The following EIF5A2 variants were observed in gnomAD, a reference collection of about 807,000 sequenced individuals.
EIF5A2 encodes eukaryotic translation initiation factor 5A2.
EIF5A2 carries 15 observed loss-of-function variants against 16.4 expected under a neutral mutation model. The ratio of observed to expected loss-of-function variants is 0.92; its 90% CI spans 0.61 to 1.41. EIF5A2 has a LOEUF of 1.41. EIF5A2 is among the 40% of genes most tolerant of loss of function. The probability of loss-of-function intolerance (pLI) is 0.00; values close to 1 mark genes in which losing one functional copy is unlikely to be tolerated. For synonymous variants in EIF5A2, 48 were observed against 61.1 expected (o/e 0.79, Z 1.00); for missense variants, 144 against 189.5 (o/e 0.76, Z 1.41).
Position 170,907,012 on chromosome 3 carries a change from T to C in EIF5A2, c.247A>G (p.Asn83Asp). 1 of 1,607,630 alleles carries C rather than the reference T, an allele frequency of 6.2e-7. No homozygotes were observed. Among genetic ancestry groups the C allele is most frequent in the Non-Finnish European group, 8.5e-7 (1 of 1,176,496 alleles). ...CPSTHNMDVP[N>D]IKRNDYQLIC... The stretch of plus-strand genomic sequence containing the variant: ...ACTTGATAATCATTTCTCTTAATAT[T>C]TGGAACATCCATGTTGTGAGTAGAA... The change falls in exon 3 of 5, where the codon AAT (asparagine) becomes GAT (aspartate). Residue 83 changes from asparagine (N) to aspartate (D), a missense_variant. By Grantham distance (23) the Asn-to-Asp change is conservative. Transcript: ENST00000295822.
Position 170,892,008 on chromosome 3 carries a change from C to T in EIF5A2, c.*1352G>A, listed in dbSNP as rs1712546394. 6.6e-6 allele frequency: 1 copy of T among 152,526 alleles called. No individual in the cohort carries two copies. Among genetic ancestry groups the T allele is most frequent in the Non-Finnish European group, 1.5e-5 (1 of 68,016 alleles). 9.4% of individuals were successfully genotyped at this position (152,526 alleles called of 1,614,324 possible). A position where few individuals can be genotyped will look rare whatever the true frequency, so the allele number is the denominator to read the frequency against. ...TATTCATATAAAGTAATGCTGCTTC[C>T]ATGATTCACTTTAATTCACTTTAGG... On this transcript the variant is annotated 3_prime_UTR_variant, in exon 5 of 5. Coordinates refer to ENST00000295822, the MANE Select transcript of EIF5A2 (RefSeq NM_020390.6).
chr3:170,902,630 A>G (rs1712845502), intron 3 of EIF5A2, among the ~76,000 whole-genome samples: 1 of 120,802 alleles, frequency 8.3e-6, no homozygotes, highest in Non-Finnish European at 1.6e-5. Context: ...TTTTTTTGAG[A>G]TGGAGTCTTG....
At chr3:170,901,717 G>T (rs1437388552) in intron 3 of EIF5A2, among the ~76,000 whole-genome samples, 1 of 151,992 alleles carries the variant, frequency 6.6e-6, no homozygotes, top group Non-Finnish European at 1.5e-5. Flanking sequence ...TGGGATTACC[G>T]GCGTGAGCCA....
At chr3:170,898,388 G>C (rs1340881612) in intron 3 of EIF5A2, among the ~76,000 whole-genome samples, 3 of 152,162 alleles carry the variant, frequency 2.0e-5, no homozygotes, top group Non-Finnish European at 4.4e-5. Flanking sequence ...ACATGTCAAG[G>C]GAGGAACCTG....
chr3:170,906,653 A>G (rs189564826), intron 3 of EIF5A2, among the ~76,000 whole-genome samples: 1 of 152,322 alleles, frequency 6.6e-6, no homozygotes, highest in Non-Finnish European at 1.5e-5. Context: ...GATGTTTTAA[A>G]TTAGAACAAG....
At chr3:170,900,331 C>T (rs896909318) in intron 3 of EIF5A2, among the ~76,000 whole-genome samples, 1 of 142,878 alleles carries the variant, frequency 7.0e-6, no homozygotes, top group African/African-American at 2.6e-5. Flanking sequence ...CACGCCGCTG[C>T]ACTCCAGCCT....
At chr3:170,902,696 C>T (rs1712847160) in intron 3 of EIF5A2, among the ~76,000 whole-genome samples, 1 of 151,196 alleles carries the variant, frequency 6.6e-6, no homozygotes, top group Non-Finnish European at 1.5e-5. Flanking sequence ...GCAACCTCCG[C>T]CTCCCAGGTT....
rs916425224 is a variant in EIF5A2, at chr3:170,889,710, A to C, written c.*3650T>G. 6.6e-6 allele frequency: 1 copy of C among 152,496 alleles called. No homozygotes were observed. Among genetic ancestry groups the C allele is most frequent in the African/African-American group, 2.4e-5 (1 of 41,432 alleles). 9.4% of individuals were successfully genotyped at this position (152,496 alleles called of 1,614,324 possible). Reference sequence around the variant, plus strand: ...AGTATGTAAACATTTCAGTGTACCCAAAAAAGCATTATGAATTTATCTATT... The same window carrying C: ...AGTATGTAAACATTTCAGTGTACCCCAAAAAGCATTATGAATTTATCTATT... On this transcript the variant is annotated 3_prime_UTR_variant, in exon 5 of 5. Coordinates refer to ENST00000295822, the MANE Select transcript of EIF5A2 (RefSeq NM_020390.6).
chr3:170,901,154 G>A (rs1712804203), intron 3 of EIF5A2, among the ~76,000 whole-genome samples: 1 of 152,206 alleles, frequency 6.6e-6, no homozygotes, highest in Non-Finnish European at 1.5e-5. Context: ...CATACAGTGG[G>A]AAAGTCTACA....
chr3:170,891,180 GT>G lies in EIF5A2; in HGVS notation c.*2179del, dbSNP rs1712525103. The G allele has an allele frequency of 6.6e-6, 1 of 152,474 alleles. No individual in the cohort carries two copies. 9.4% of individuals were successfully genotyped at this position (152,474 alleles called of 1,614,324 possible). A position where few individuals can be genotyped will look rare whatever the true frequency, so the allele number is the denominator to read the frequency against. On this transcript the variant is annotated 3_prime_UTR_variant, in exon 5 of 5. Coordinates refer to ENST00000295822, the MANE Select transcript of EIF5A2 (RefSeq NM_020390.6). ...AATACTGAATCATAACACCAGCATG[GT>G]TAAGAGGGGCCATATGAATGAACTG...
chr3:170,903,857 G>A (rs1712870017), intron 3 of EIF5A2, among the ~76,000 whole-genome samples: 1 of 152,126 alleles, frequency 6.6e-6, no homozygotes, highest in Non-Finnish European at 1.5e-5. Context: ...GAATTTAATA[G>A]TCACAGTTTT....
In EIF5A2 at chr3:170,893,138, A is replaced by G; in HGVS notation, c.*222T>C. The G allele has an allele frequency of 2.2e-6, 1 of 460,360 alleles. No individual in the cohort carries two copies. The allele number at this position is 460,360 out of a possible 1,614,324, so 28.5% of individuals were successfully genotyped here. On this transcript the variant is annotated 3_prime_UTR_variant, in exon 5 of 5. Coordinates refer to ENST00000295822, the MANE Select transcript of EIF5A2 (RefSeq NM_020390.6). ...GACTGACATACTGAAAACCACAGGA[A>G]TATTATAGGAAACATATCTACAAAA... is the stretch of plus-strand genomic sequence containing the variant.
At chr3:170,896,266 CAAACATTAAACATTA>C (rs1712667851) in intron 3 of EIF5A2, among the ~76,000 whole-genome samples, 1 of 151,998 alleles carries the variant, frequency 6.6e-6, no homozygotes, top group South Asian at 2.1e-4. Flanking sequence ...AATGCATTTA[CAAACATTAAACATTA>C]AGATAAATTG....
chr3:170,894,844 G>A (rs947134085), intron 3 of EIF5A2, among the ~76,000 whole-genome samples: 2 of 151,240 alleles, frequency 1.3e-5, no homozygotes, highest in African/African-American at 4.8e-5. Context: ...GGCTAACACG[G>A]TGAAACCCCA....
At chr3:170,904,276 A>G (rs1416074521) in intron 3 of EIF5A2, among the ~76,000 whole-genome samples, 2 of 152,246 alleles carry the variant, frequency 1.3e-5, no homozygotes, top group African/African-American at 2.4e-5. Context: ...AATTAAAACT[A>G]TAAATATTAA....
rs180894909 is a variant in EIF5A2 at position 170,890,174 on chromosome 3, A to T, written c.*3186T>A. On this transcript the variant is annotated 3_prime_UTR_variant, in exon 5 of 5. Coordinates refer to ENST00000295822, the MANE Select transcript of EIF5A2 (RefSeq NM_020390.6). ...ACAAGTTGTGGAAAGTTGTAAATTTAAAAAAAAAAAGTTACCAACAGTTGA... is the reference window on the plus strand; with the variant it reads ...ACAAGTTGTGGAAAGTTGTAAATTTTAAAAAAAAAAGTTACCAACAGTTGA... The T allele has an allele frequency of 3.7e-3, 552 of 147,208 alleles. 3 individuals are homozygous for T. Among genetic ancestry groups the T allele is most frequent in the Non-Finnish European group, 6.2e-3 (410 of 66,524 alleles). 9.1% of individuals were successfully genotyped at this position (147,208 alleles called of 1,614,324 possible).
chr3:170,894,275 C>T lies in EIF5A2; in HGVS notation c.402+17G>A. On this transcript the variant is annotated intron_variant, in intron 4 of 4. Coordinates refer to ENST00000295822, the MANE Select transcript of EIF5A2 (RefSeq NM_020390.6). Reference sequence around the variant, plus strand: ...TATAAAATGGTTTTCAAAAATAATCCTTCTCTAAGTCTTTACCTGTACATC... The same window carrying T: ...TATAAAATGGTTTTCAAAAATAATCTTTCTCTAAGTCTTTACCTGTACATC... 6.2e-7 allele frequency: 1 copy of T among 1,604,216 alleles called. No homozygotes were observed. Among genetic ancestry groups the T allele is most frequent in the East Asian group, 2.2e-5 (1 of 44,566 alleles).
rs1211968687 is a variant in EIF5A2, at chr3:170,890,683, T to TATC, written c.*2674_*2676dup. 1.3e-5 allele frequency: 2 copies of TATC among 152,558 alleles called. No homozygotes were observed. Among genetic ancestry groups the TATC allele is most frequent in the Non-Finnish European group, 2.9e-5 (2 of 67,986 alleles). The allele number at this position is 152,558 out of a possible 1,614,324, so 9.5% of individuals were successfully genotyped here. Reference sequence around the variant, plus strand: ...GAAATGTATACAGATAAAAATGGCTTATCACTGTACAATGATATCAACATG... The same window carrying TATC: ...GAAATGTATACAGATAAAAATGGCTTATCATCACTGTACAATGATATCAACATG... On this transcript the variant is annotated 3_prime_UTR_variant, in exon 5 of 5. Coordinates refer to ENST00000295822, the MANE Select transcript of EIF5A2 (RefSeq NM_020390.6).
chr3:170,904,561 A>G (rs1432517381), intron 3 of EIF5A2, among the ~76,000 whole-genome samples: 1 of 152,090 alleles, frequency 6.6e-6, no homozygotes, highest in Non-Finnish European at 1.5e-5. Flanking sequence ...TGGAGTGATC[A>G]CAGCTTAGTG....
Sources: gnomAD v4.1 joint callset for allele counts (sites outside exome capture counted in the v4.1 genomes callset) on GRCh38, gnomAD v4.1.1 for gene constraint, MANE v1.5 for transcripts, NCBI Gene and HGNC (gene_info 2026-07-23, HGNC 2026-07-21) for gene names.